Variants in DNMBP observed in about 807,000 individuals in gnomAD.
DNMBP encodes the protein dynamin-binding protein.
Under a neutral mutation model 150.0 loss-of-function variants are expected in DNMBP, and 87 were observed. The ratio of observed to expected loss-of-function variants is 0.58; its 90% CI spans 0.49 to 0.69. The LOEUF is 0.69. Among genes scored for constraint, DNMBP ranks in the 30% least tolerant of loss-of-function variants. The pLI, the probability that DNMBP is intolerant of heterozygous loss-of-function variation, is 0.00. For synonymous variants in DNMBP, 711 were observed against 750.4 expected (o/e 0.95, Z 0.86); for missense variants, 1,774 against 1,949.0 (o/e 0.91, Z 1.69).
Position 99,964,135 on chromosome 10 carries a change from CTTTTTTTTTTTT to C in DNMBP, c.268+4968_268+4979del, listed in dbSNP as rs895801002. Among the ~76,000 whole-genome samples the C allele has an allele frequency of 1.0e-4, 9 of 87,236 alleles. 1 individual carries two copies. The highest frequency in any genetic ancestry group is 3.3e-4 in the East Asian group (1 of 3,046). The allele number at this position is 87,236 out of a possible 152,430, so 57.2% of individuals were successfully genotyped here. A position where few individuals can be genotyped will look rare whatever the true frequency, so the allele number is the denominator to read the frequency against. ...GTCTTTTCCTTGTCCTATTCTCTCTCTTTTTTTTTTTTTTTTTTTTTTTTGGAGACAGAGACT... is the reference window on the plus strand; with the variant it reads ...GTCTTTTCCTTGTCCTATTCTCTCTCTTTTTTTTTTTTGGAGACAGAGACT... On this transcript the variant is annotated intron_variant, in intron 3 of 16. Transcript: ENST00000324109.
intron 1 of DNMBP, among the ~76,000 whole-genome samples, chr10:99,982,490 G>A (rs2040789317): frequency 6.6e-6 from 1 of 151,732 alleles, no homozygotes; most frequent in Non-Finnish European, 1.5e-5. Context: ...AAAGAATTGA[G>A]CAAAGTATAT....
intron 1 of DNMBP, among the ~76,000 whole-genome samples, chr10:100,005,284 G>GGA (rs1405402422): frequency 6.6e-6 from 1 of 152,128 alleles, no homozygotes; most frequent in Non-Finnish European, 1.5e-5. Context: ...GAGACATGTA[G>GGA]GAAGATGTTC....
chr10:99,885,069 G>A (rs2039436052), intron 14 of DNMBP, among the ~76,000 whole-genome samples: 1 of 152,036 alleles, frequency 6.6e-6, no homozygotes, highest in Non-Finnish European at 1.5e-5. Context: ...CTAACTCCAG[G>A]TAAAAAAGGC....
intron 6 of DNMBP, among the ~76,000 whole-genome samples, chr10:99,903,216 C>T (rs944909667): frequency 2.6e-5 from 4 of 151,312 alleles, no homozygotes; most frequent in Non-Finnish European, 5.9e-5. Context: ...ACTGAAATTA[C>T]AGGCAGGAGC....
intron 11 of DNMBP, among the ~76,000 whole-genome samples, chr10:99,891,083 G>A (rs1232849448): frequency 2.0e-5 from 3 of 152,062 alleles, no homozygotes; most frequent in African/African-American, 7.3e-5. Context: ...ACAGAGCAAT[G>A]ATTTAATCTT....
rs548397521 is a variant in DNMBP, at chr10:99,988,147, T to G, written c.-10-16013A>C. On this transcript the variant is annotated intron_variant, in intron 1 of 16. Coordinates refer to ENST00000324109, the MANE Select transcript of DNMBP (RefSeq NM_015221.4). ...TTTCCTGCGTCCAATGAGATGACCATTTTCCCCCTTTATTCTGATGTCATA... is the reference window on the plus strand; with the variant it reads ...TTTCCTGCGTCCAATGAGATGACCAGTTTCCCCCTTTATTCTGATGTCATA... Among the ~76,000 whole-genome samples, 5 of 152,236 alleles carry G rather than the reference T, an allele frequency of 3.3e-5. No individual in the cohort carries two copies. The South Asian group carries it at 1.0e-3, about 31-fold the overall frequency.
intron 16 of DNMBP, among the ~76,000 whole-genome samples, chr10:99,877,737 A>T (rs931183100): frequency 2.0e-5 from 3 of 152,094 alleles, no homozygotes; most frequent in Non-Finnish European, 4.4e-5. Context: ...GGTGGCACAC[A>T]CTTCTAATCC....
chr10:99,989,443 G>A (rs909726731), intron 1 of DNMBP, among the ~76,000 whole-genome samples: 2 of 152,214 alleles, frequency 1.3e-5, no homozygotes, highest in African/African-American at 4.8e-5. Flanking sequence ...AGGCGCAGTG[G>A]CTCACGCCTG....
intron 4 of DNMBP, among the ~76,000 whole-genome samples, chr10:99,918,165 T>C (rs1165563419): frequency 3.9e-5 from 6 of 151,906 alleles, no homozygotes; most frequent in Admixed American, 3.9e-4. Flanking sequence ...TCACAAACCC[T>C]GGTTTTCCGT....
At chr10:99,947,256 C>T (rs1488911778) in intron 4 of DNMBP, among the ~76,000 whole-genome samples, 1 of 152,156 alleles carries the variant, frequency 6.6e-6, no homozygotes, top group Non-Finnish European at 1.5e-5. Flanking sequence ...AAAAACACAC[C>T]TGCACTCAGC....
chr10:99,960,634 CTG>C (rs539239802), intron 3 of DNMBP, among the ~76,000 whole-genome samples: 1 of 152,262 alleles, frequency 6.6e-6, no homozygotes, highest in South Asian at 2.1e-4. Flanking sequence ...TGGTGAAACC[CTG>C]TGTCTACTAA....
At chr10:99,899,228 C>A (rs1372380869) in intron 7 of DNMBP, among the ~76,000 whole-genome samples, 1 of 151,816 alleles carries the variant, frequency 6.6e-6, no homozygotes, top group East Asian at 1.9e-4. Context: ...AAAAAGTTAG[C>A]CCCTAACTTC....
intron 1 of DNMBP, among the ~76,000 whole-genome samples, chr10:100,004,338 T>C (rs1335250666): frequency 1.3e-5 from 2 of 151,886 alleles, no homozygotes; most frequent in Non-Finnish European, 2.9e-5. Context: ...AAAAAATAAA[T>C]TTTGGTCCAG....
At chr10:99,993,833 G>A (rs1157063631) in intron 1 of DNMBP, among the ~76,000 whole-genome samples, 1 of 152,030 alleles carries the variant, frequency 6.6e-6, no homozygotes, top group Non-Finnish European at 1.5e-5. Context: ...AAAAAAAATA[G>A]AGAAGGCATA....
intron 11 of DNMBP, among the ~76,000 whole-genome samples, chr10:99,894,316 A>C (rs1379269917): frequency 6.6e-6 from 1 of 152,190 alleles, no homozygotes; most frequent in East Asian, 1.9e-4. Flanking sequence ...ACAGCATCCT[A>C]TATTAAATCA....
At chr10:99,917,962 C>T (rs2039982453) in intron 4 of DNMBP, among the ~76,000 whole-genome samples, 1 of 110,758 alleles carries the variant, frequency 9.0e-6, no homozygotes, top group Admixed American at 1.1e-4. Context: ...GAGTAAGACT[C>T]TGTCTCAAAA....
At chr10:99,890,713 C>G (rs1037238947) in intron 11 of DNMBP, among the ~76,000 whole-genome samples, 22 of 152,210 alleles carry the variant, frequency 1.4e-4, no homozygotes, top group Non-Finnish European at 8.8e-5. Flanking sequence ...ATGGCATGAT[C>G]TCAGCTCACT....
chr10:99,879,457 C>CA (rs113097774), intron 16 of DNMBP, among the ~76,000 whole-genome samples: 148 of 145,710 alleles, frequency 1.0e-3, no homozygotes, highest in South Asian at 3.1e-3. Context: ...ACAAACTCCT[C>CA]AAAAAAAAAA....
At chr10:99,979,237 C>T (rs979149601) in intron 1 of DNMBP, among the ~76,000 whole-genome samples, 2 of 152,126 alleles carry the variant, frequency 1.3e-5, no homozygotes, top group Non-Finnish European at 2.9e-5. Context: ...CGGACAGTAG[C>T]GTTTAGAGTC....
Sources: gnomAD v4.1 joint callset for allele counts (sites outside exome capture counted in the v4.1 genomes callset) on GRCh38, gnomAD v4.1.1 for gene constraint, MANE v1.5 for transcripts, NCBI Gene and HGNC (gene_info 2026-07-23, HGNC 2026-07-21) for gene names.